The following GTF2B variants were observed in gnomAD, a reference collection of about 807,000 sequenced individuals.
GTF2B encodes general transcription factor IIB.
A neutral mutation model predicts 34.6 loss-of-function variants in GTF2B; 20 were observed. The ratio of observed to expected loss-of-function variants is 0.58; its 90% confidence interval spans 0.41 to 0.84. GTF2B has a LOEUF of 0.84. GTF2B is among the 40% of genes least tolerant of loss of function. The pLI is 0.00. For synonymous variants in GTF2B, 142 were observed against 132.4 expected (o/e 1.07, Z -0.50); for missense variants, 237 against 393.3 (o/e 0.60, Z 3.36).
At chr1:88,863,450 T>A (rs1673488584) in intron 3 of GTF2B, among the ~76,000 whole-genome samples, 1 of 152,082 alleles carries the variant, frequency 6.6e-6, no homozygotes, top group Admixed American at 6.5e-5. Flanking sequence ...TTCAAGCAAT[T>A]CTTCTGCCTC....
At chr1:88,862,788 C>G (rs1193566523) in intron 3 of GTF2B, among the ~76,000 whole-genome samples, 1 of 151,986 alleles carries the variant, frequency 6.6e-6, no homozygotes, top group Non-Finnish European at 1.5e-5. Context: ...CAGGTGCCCA[C>G]CATCATATCA....
intron 2 of GTF2B, among the ~76,000 whole-genome samples, chr1:88,872,733 T>C (rs1673725320): frequency 6.6e-6 from 1 of 152,178 alleles, no homozygotes; most frequent in Admixed American, 6.5e-5. Context: ...ATCTCAGGTT[T>C]GTTCTCTGCT....
chr1:88,860,361 G>C (rs1673406650), intron 3 of GTF2B, 75 bp from the exon 4 acceptor site: 1 of 1,036,210 alleles, frequency 9.7e-7, no homozygotes, highest in African/African-American at 1.6e-5. Context: ...TGAAAATATA[G>C]CTTACAAGAT....
chr1:88,887,261 C>T lies in GTF2B; in HGVS notation c.124G>A (p.Gly42Ser), dbSNP rs747704910. The T allele has an allele frequency of 6.3e-7, 1 of 1,582,120 alleles. No individual in the cohort carries two copies. Among genetic ancestry groups the T allele is most frequent in the South Asian group, 1.1e-5 (1 of 90,266 alleles). Reference sequence around the variant, plus strand: ...AATTAAAACCATAATAACAACTCACCTACAACCAAGCCACATTCAGGACAG... The same window carrying T: ...AATTAAAACCATAATAACAACTCACTTACAACCAAGCCACATTCAGGACAG... Reference protein sequence around the residue: ...MICPECGLVVGDRVIDVGSEW... With the variant: ...MICPECGLVVSDRVIDVGSEW... Residue 42 changes from glycine (G) to serine (S), a missense_variant and splice_region_variant, in exon 2 of 7, where the codon GGT becomes AGT. Coordinates refer to ENST00000370500, the MANE Select transcript of GTF2B (RefSeq NM_001514.6).
Position 88,891,250 on chromosome 1 carries a change from G to A in GTF2B, c.17+233C>T, listed in dbSNP as rs573487952. 2.2e-4 allele frequency among the ~76,000 whole-genome samples: 34 copies of A among 152,230 alleles called. No homozygotes were observed. In the East Asian group the frequency reaches 6.0e-3, roughly 27 times the overall value. On this transcript the variant is annotated intron_variant, in intron 1 of 6. Transcript: ENST00000370500. ...AGTAGCCCACCAGGACCCACATAGG[G>A]TGATATCTACATAAGACTCCAGGGC...
intron 1 of GTF2B, chr1:88,887,660 A>G (rs968011620): frequency 1.2e-5 from 4 of 343,086 alleles, no homozygotes; most frequent in African/African-American, 8.7e-5. Flanking sequence ...AGACTTTTAG[A>G]AATGTTGATT....
intron 3 of GTF2B, among the ~76,000 whole-genome samples, chr1:88,861,621 G>C (rs897632475): frequency 6.6e-6 from 1 of 152,166 alleles, no homozygotes; most frequent in African/African-American, 2.4e-5. Flanking sequence ...CAGAGATCGT[G>C]CCATTGCACT....
chr1:88,867,561 C>A (rs952123249), intron 2 of GTF2B, among the ~76,000 whole-genome samples: 4 of 152,064 alleles, frequency 2.6e-5, no homozygotes, highest in Admixed American at 2.6e-4. Context: ...AAAAAATCAA[C>A]AAATGTCATC....
At chr1:88,853,997 T>C (rs768204874) in intron 6 of GTF2B, among the ~76,000 whole-genome samples, 2 of 152,182 alleles carry the variant, frequency 1.3e-5, no homozygotes, top group Non-Finnish European at 2.9e-5. Context: ...ATATGAATAG[T>C]GTTCAGGTCT....
intron 6 of GTF2B, among the ~76,000 whole-genome samples, chr1:88,854,529 A>C (rs1229486390): frequency 6.6e-6 from 1 of 152,190 alleles, no homozygotes; most frequent in Non-Finnish European, 1.5e-5. Context: ...TAGAGATGGA[A>C]TCTTGCTCTG....
At chr1:88,868,947 A>G (rs990781380) in intron 2 of GTF2B, among the ~76,000 whole-genome samples, 5 of 151,918 alleles carry the variant, frequency 3.3e-5, no homozygotes, top group African/African-American at 1.2e-4. Flanking sequence ...CAGCGTGTTA[A>G]CCAGGATGGT....
intron 2 of GTF2B, among the ~76,000 whole-genome samples, chr1:88,877,942 A>G (rs563007896): frequency 2.0e-5 from 3 of 152,196 alleles, no homozygotes; most frequent in Non-Finnish European, 4.4e-5. Flanking sequence ...AAAACAAAAC[A>G]AACAAACAAG....
rs1673335130 is a variant in GTF2B at position 88,857,340 on chromosome 1, A to C, written c.683T>G (p.Val228Gly). The C allele has an allele frequency of 6.2e-7, 1 of 1,613,912 alleles. No homozygotes were observed. The highest frequency in any genetic ancestry group is 1.3e-5 in the African/African-American group (1 of 75,024). ...GGCTATATGTGTAGCTGCCATCTGTACTTGTTTAGGAAGACAAAGGTTGGA... is the reference window on the plus strand; with the variant it reads ...GGCTATATGTGTAGCTGCCATCTGTCCTTGTTTAGGAAGACAAAGGTTGGA... ...FCSNLCLPKQ[V>G]QMAATHIARK... Residue 228 changes from valine to glycine, a missense_variant, in exon 6 of 7, where the codon GTA becomes GGA. By Grantham distance (109) the Val-to-Gly change is moderately radical (BLOSUM62 -3). Transcript: ENST00000370500.
rs751020258 is a variant in GTF2B at position 88,891,547 on chromosome 1, A to G, written c.-48T>C. ...GCAACAAGACACAACAGACACACCG[A>G]AAGCAGGAAGCGAATGTGGCGAAGA... On this transcript the variant is annotated 5_prime_UTR_variant, in exon 1 of 7. Transcript: ENST00000370500. The G allele has an allele frequency of 2.9e-5, 45 of 1,568,738 alleles. No individual in the cohort carries two copies. The Admixed American group carries it at 4.1e-4, about 14-fold the overall frequency.
intron 2 of GTF2B, among the ~76,000 whole-genome samples, chr1:88,864,731 CAAGT>C (rs757567460): frequency 1.3e-5 from 2 of 152,226 alleles, no homozygotes; most frequent in Non-Finnish European, 2.9e-5. Context: ...AAAGCAGACA[CAAGT>C]AAACCTTATT....
At chr1:88,853,735 A>G (rs906739799) in intron 6 of GTF2B, among the ~76,000 whole-genome samples, 4 of 151,982 alleles carry the variant, frequency 2.6e-5, no homozygotes, top group African/African-American at 9.7e-5. Context: ...ACCCAGGAGG[A>G]GGAGGTTGCA....
intron 2 of GTF2B, among the ~76,000 whole-genome samples, chr1:88,883,356 G>A (rs569334896): frequency 6.6e-6 from 1 of 152,292 alleles, no homozygotes; most frequent in South Asian, 2.1e-4. Context: ...AGATTAGTGT[G>A]TCATTAAGAC....
intron 1 of GTF2B, chr1:88,887,711 T>C: frequency 3.9e-6 from 1 of 254,554 alleles, no homozygotes; most frequent in Non-Finnish European, 7.7e-6. Context: ...CTGCAGCATT[T>C]ACATTACCAT....
rs56331310 is a variant in GTF2B at position 88,874,497 on chromosome 1, ATTTTTT to A, written c.125-10389_125-10384del. On this transcript the variant is annotated intron_variant, in intron 2 of 6. Coordinates refer to ENST00000370500, the MANE Select transcript of GTF2B (RefSeq NM_001514.6). The stretch of plus-strand genomic sequence containing the variant: ...TGCGCCACCACACACAGCTAATTAA[ATTTTTT>A]TTTTTTTTTTTTTTTTTTTTTTACA... Among the ~76,000 whole-genome samples the A allele has an allele frequency of 4.4e-4, 37 of 83,578 alleles. No individual in the cohort carries two copies. In the East Asian group the frequency reaches 7.5e-3, roughly 17 times the overall value. The allele number at this position is 83,578 out of a possible 152,430, so 54.8% of individuals were successfully genotyped here. A position where few individuals can be genotyped will look rare whatever the true frequency, so the allele number is the denominator to read the frequency against.
Sources: gnomAD v4.1 joint callset for allele counts (sites outside exome capture counted in the v4.1 genomes callset) on GRCh38, gnomAD v4.1.1 for gene constraint, MANE v1.5 for transcripts, NCBI Gene and HGNC (gene_info 2026-07-23, HGNC 2026-07-21) for gene names.